ARSF: variants seen among roughly 807,000 people sequenced by gnomAD.
ARSF encodes arylsulfatase F.
A neutral mutation model predicts 35.4 loss-of-function variants in ARSF; 33 were observed. The observed-to-expected ratio is 0.93, with a 90% CI of 0.71 to 1.25. The LOEUF is 1.25. ARSF is among the 50% of genes most tolerant of loss of function. ARSF has a pLI of 0.00. For missense variants in ARSF, 501 were observed against 480.2 expected (o/e 1.04, Z -0.40); for synonymous variants, 222 against 193.1 (o/e 1.15, Z -1.24).
At chrX:3,093,039 G>A (rs1034422607) in intron 7 of ARSF, among the ~76,000 whole-genome samples, 7 of 110,572 alleles carry the variant, frequency 6.3e-5, no homozygotes, top group East Asian at 2.8e-4. Flanking sequence ...GGTGGCGGGC[G>A]TCTGTAGTCC....
chrX:3,095,810 A>G (rs928188782), intron 7 of ARSF, among the ~76,000 whole-genome samples: 1 of 110,057 alleles, frequency 9.1e-6, no homozygotes, highest in Non-Finnish European at 1.9e-5. Context: ...TGAGAGACTT[A>G]TAAGATGTGC....
At position 3,092,371 on chromosome X, in the gene ARSF, C is replaced by G. The variant is rs1001594140; in HGVS notation, c.967+2739C>G. ...TTGAAAATCAATGAAATAGGTCATT[C>G]AAACTCAGGCTGTGATAAGTAAAAG... On this transcript the variant is annotated intron_variant, in intron 7 of 10. Transcript: ENST00000381127. Among the ~76,000 whole-genome samples the G allele has an allele frequency of 2.7e-5, 3 of 111,793 alleles. No homozygotes were observed. In the East Asian group the frequency reaches 8.4e-4, roughly 31 times the overall value.
At chrX:3,046,947 A>C (rs2089977731) in intron 1 of ARSF, among the ~76,000 whole-genome samples, 1 of 110,539 alleles carries the variant, frequency 9.0e-6, no homozygotes, top group African/African-American at 3.3e-5. Flanking sequence ...ACAAACACTA[A>C]TGATAGCTGA....
intron 7 of ARSF, among the ~76,000 whole-genome samples, chrX:3,096,407 G>A (rs1278127271): frequency 9.0e-6 from 1 of 111,044 alleles, no homozygotes; most frequent in Non-Finnish European, 1.9e-5. Flanking sequence ...AGAGTGGATT[G>A]TATACATGTA....
At chrX:3,074,871 C>T (rs1199393326) in intron 3 of ARSF, among the ~76,000 whole-genome samples, 2 of 111,195 alleles carry the variant, frequency 1.8e-5, no homozygotes, top group Non-Finnish European at 3.8e-5. Context: ...ACCCCAGCGC[C>T]TGATACCCAC....
chrX:3,100,516 C>T (rs920303471), intron 7 of ARSF, among the ~76,000 whole-genome samples: 1 of 112,732 alleles, frequency 8.9e-6, no homozygotes, highest in African/African-American at 3.2e-5. Context: ...AACTGATGTT[C>T]ATTTGTATTG....
chrX:3,078,239 G>A (rs5939434), intron 4 of ARSF, among the ~76,000 whole-genome samples: 25,182 of 110,099 alleles, frequency 0.23, 2,915 homozygotes, highest in East Asian at 0.62. Flanking sequence ...GACCGGGATG[G>A]AGTGCAGTGG....
At chrX:3,047,820 G>A (rs12842080) in intron 1 of ARSF, among the ~76,000 whole-genome samples, 1,490 of 110,591 alleles carry the variant, frequency 0.013, 14 homozygotes, top group Non-Finnish European at 0.023. Flanking sequence ...GTATTAGTCC[G>A]TTTTCATGCT....
chrX:3,112,649 C>A lies in ARSF; in HGVS notation c.*93C>A. On this transcript the variant is annotated 3_prime_UTR_variant, in exon 11 of 11. Transcript: ENST00000381127. ...AAGGAAGCACTAACTTTGGTGCTTT[C>A]AAGTTGGCAAGGAGTGCATTTAATA... The A allele has an allele frequency of 9.5e-7, 1 of 1,056,729 alleles. No individual in the cohort carries two copies. Among genetic ancestry groups the A allele is most frequent in the Non-Finnish European group, 1.2e-6 (1 of 814,315 alleles). 87.1% of individuals were successfully genotyped at this position (1,056,729 alleles called of 1,213,427 possible).
At chrX:3,091,659 C>G (rs2090291218) in intron 7 of ARSF, among the ~76,000 whole-genome samples, 1 of 111,978 alleles carries the variant, frequency 8.9e-6, no homozygotes, top group South Asian at 3.7e-4. Flanking sequence ...AATATTCAAA[C>G]CAAATACATG....
chrX:3,040,244 T>G (rs893995313), upstream of ARSF, among the ~76,000 whole-genome samples: 1 of 110,810 alleles, frequency 9.0e-6, no homozygotes, highest in African/African-American at 3.3e-5. Context: ...CAGAAAAGAC[T>G]CAGAATCCTT....
intron 7 of ARSF, among the ~76,000 whole-genome samples, chrX:3,093,242 A>G (rs894399677): frequency 1.8e-5 from 2 of 112,186 alleles, no homozygotes; most frequent in African/African-American, 6.5e-5. Context: ...ATAAACATTT[A>G]TTTTCATTTT....
chrX:3,091,615 A>C (rs1048119782), intron 7 of ARSF, among the ~76,000 whole-genome samples: 6 of 112,543 alleles, frequency 5.3e-5, no homozygotes, highest in Non-Finnish European at 1.1e-4. Flanking sequence ...AGTCTTAAAC[A>C]CATAAAAAAT....
At chrX:3,053,265 A>G (rs1175145514) in intron 1 of ARSF, among the ~76,000 whole-genome samples, 2 of 110,980 alleles carry the variant, frequency 1.8e-5, no homozygotes, top group East Asian at 5.6e-4. Context: ...TTGCAGTTGT[A>G]CATTGAGAGA....
At position 3,101,424 on chromosome X, in the gene ARSF, T is replaced by G. The variant is rs1010041; in HGVS notation, c.1102+203T>G. ...TAACATTTCTGTGGAAGGAAGCCAT[T>G]TATGTAGAGGGAGCATCTAGAAATA... On this transcript the variant is annotated intron_variant, in intron 8 of 10. Coordinates refer to ENST00000381127, the MANE Select transcript of ARSF (RefSeq NM_001201539.2). 0.27 allele frequency among the ~76,000 whole-genome samples: 29,595 copies of G among 110,993 alleles called. 3,043 individuals are homozygous for G. The highest frequency in any genetic ancestry group is 0.36 in the African/African-American group (10,863 of 30,543).
chrX:3,078,755 C>T (rs2090172893), intron 4 of ARSF, among the ~76,000 whole-genome samples: 1 of 111,602 alleles, frequency 9.0e-6, no homozygotes, highest in Non-Finnish European at 1.9e-5. Flanking sequence ...CCACCTCGGC[C>T]TCCCAAAGTG....
chrX:3,088,656 G>A (rs1470847475), intron 6 of ARSF, among the ~76,000 whole-genome samples: 1 of 110,419 alleles, frequency 9.1e-6, no homozygotes, highest in Non-Finnish European at 1.9e-5. Flanking sequence ...CTGCCTCCTG[G>A]GTTCAGCGAT....
At chrX:3,063,030 A>G (rs1025485922) in intron 1 of ARSF, among the ~76,000 whole-genome samples, 1 of 112,100 alleles carries the variant, frequency 8.9e-6, no homozygotes, top group Non-Finnish European at 1.9e-5. Context: ...AATATCCCTG[A>G]TGAACATCAG....
intron 1 of ARSF, among the ~76,000 whole-genome samples, chrX:3,054,925 G>T (rs1439417777): frequency 9.5e-6 from 1 of 105,310 alleles, no homozygotes; most frequent in Non-Finnish European, 1.9e-5. Flanking sequence ...AGTAGAGACA[G>T]GGTTTCACCA....
Sources: allele counts gnomAD v4.1 joint callset (sites outside exome capture counted in the v4.1 genomes callset), GRCh38; gene constraint gnomAD v4.1.1; transcripts MANE v1.5; gene names NCBI Gene and HGNC (gene_info 2026-07-23, HGNC 2026-07-21).